The following PXDNL variants were observed in gnomAD, a reference collection of about 807,000 sequenced individuals.
PXDNL encodes peroxidasin like, also known as probable oxidoreductase PXDNL.
In PXDNL, 145 loss-of-function variants were observed where a neutral mutation model predicts 150.8. The observed-to-expected ratio is 0.96, with a 90% CI of 0.84 to 1.10. The LOEUF is 1.10. Among genes scored for constraint, PXDNL ranks in the 50% least tolerant of loss-of-function variants. The pLI is 0.00. For synonymous variants in PXDNL, 757 were observed against 725.7 expected (o/e 1.04, Z -0.69); for missense variants, 2,087 against 1,873.9 (o/e 1.11, Z -2.10).
chr8:51,321,400 A>G (rs1371335629), intron 21 of PXDNL, among the ~76,000 whole-genome samples: 1 of 152,210 alleles, frequency 6.6e-6, no homozygotes, highest in Non-Finnish European at 1.5e-5. Context: ...CCTTTAGATA[A>G]TAACGGTCTT....
intron 1 of PXDNL, among the ~76,000 whole-genome samples, chr8:51,770,643 C>T (rs2037283556): frequency 1.3e-5 from 2 of 152,142 alleles, no homozygotes; most frequent in South Asian, 2.1e-4. Context: ...ATGTCAACTA[C>T]TCATCTAATT....
chr8:51,468,580 T>C (rs1810254609), intron 8 of PXDNL, among the ~76,000 whole-genome samples: 1 of 151,950 alleles, frequency 6.6e-6, no homozygotes, highest in South Asian at 2.1e-4. Context: ...TTCACGAATG[T>C]ATTTAAATTT....
chr8:51,323,776 C>T (rs1293739609), intron 21 of PXDNL, among the ~76,000 whole-genome samples: 2 of 151,382 alleles, frequency 1.3e-5, no homozygotes, highest in South Asian at 2.1e-4. Flanking sequence ...ATTAGCCGGG[C>T]GTAGTGGTGG....
chr8:51,491,805 C>A (rs913093152), intron 5 of PXDNL, among the ~76,000 whole-genome samples: 11 of 152,218 alleles, frequency 7.2e-5, no homozygotes, highest in African/African-American at 2.4e-4. Flanking sequence ...AAGAAATTTC[C>A]CCCAAATTAA....
At chr8:51,747,060 T>A (rs2036991458) in intron 1 of PXDNL, among the ~76,000 whole-genome samples, 1 of 152,226 alleles carries the variant, frequency 6.6e-6, no homozygotes, top group African/African-American at 2.4e-5. Flanking sequence ...CTATCAAAAA[T>A]TTTTAAGAAA....
chr8:51,429,523 G>A (rs1001778247), intron 12 of PXDNL, among the ~76,000 whole-genome samples: 1 of 152,030 alleles, frequency 6.6e-6, no homozygotes, highest in Non-Finnish European at 1.5e-5. Context: ...GGAGGTTGCG[G>A]TGAGCCACTG....
At chr8:51,794,112 T>C (rs945886438) in intron 1 of PXDNL, among the ~76,000 whole-genome samples, 2 of 150,928 alleles carry the variant, frequency 1.3e-5, no homozygotes, top group Non-Finnish European at 3.0e-5. Context: ...GCAGACAAGA[T>C]TAGAGAGAAA....
At chr8:51,788,660 C>A (rs1017486084) in intron 1 of PXDNL, among the ~76,000 whole-genome samples, 2 of 152,160 alleles carry the variant, frequency 1.3e-5, no homozygotes, top group Non-Finnish European at 2.9e-5. Context: ...GGGAGTTAGT[C>A]GAACCAGTGG....
chr8:51,729,411 A>G (rs1047741122), intron 1 of PXDNL, among the ~76,000 whole-genome samples: 6 of 151,978 alleles, frequency 3.9e-5, no homozygotes, highest in African/African-American at 1.2e-4. Flanking sequence ...GCTTAATATC[A>G]TAGTCATTAG....
chr8:51,780,282 T>A (rs1165830532), intron 1 of PXDNL, among the ~76,000 whole-genome samples: 2 of 152,102 alleles, frequency 1.3e-5, no homozygotes, highest in Non-Finnish European at 1.5e-5. Context: ...TATAACCCAG[T>A]GATTTGCATG....
At chr8:51,377,950 T>G (rs1165154248) in intron 17 of PXDNL, among the ~76,000 whole-genome samples, 2 of 152,228 alleles carry the variant, frequency 1.3e-5, no homozygotes, top group South Asian at 2.1e-4. Context: ...TGCAGCCCCG[T>G]GCGGTATCCA....
intron 1 of PXDNL, among the ~76,000 whole-genome samples, chr8:51,720,930 C>T (rs78841389): frequency 0.037 from 5,695 of 152,288 alleles, 342 homozygotes; most frequent in African/African-American, 0.12. Flanking sequence ...CACAGACGCT[C>T]GATCGCATGC....
intron 19 of PXDNL, among the ~76,000 whole-genome samples, chr8:51,355,047 T>G (rs1054531828): frequency 3.9e-5 from 6 of 152,172 alleles, no homozygotes; most frequent in African/African-American, 1.4e-4. Flanking sequence ...GAGTGGGAGA[T>G]GTCCTTATGG....
At chr8:51,514,181 G>A (rs1236047225) in intron 4 of PXDNL, among the ~76,000 whole-genome samples, 2 of 152,308 alleles carry the variant, frequency 1.3e-5, no homozygotes, top group South Asian at 2.1e-4. Flanking sequence ...ATCTCAGCTG[G>A]AGCCATGAGA....
At chr8:51,764,711 G>A (rs1383347253) in intron 1 of PXDNL, among the ~76,000 whole-genome samples, 1 of 152,028 alleles carries the variant, frequency 6.6e-6, no homozygotes, top group Non-Finnish European at 1.5e-5. Flanking sequence ...AGTGAGGCTT[G>A]TTATATGGGC....
At chr8:51,734,377 G>C (rs1816992204) in intron 1 of PXDNL, among the ~76,000 whole-genome samples, 1 of 152,162 alleles carries the variant, frequency 6.6e-6, no homozygotes, top group Admixed American at 6.5e-5. Context: ...ATACGGTTTA[G>C]ATAAATTGGT....
intron 21 of PXDNL, among the ~76,000 whole-genome samples, chr8:51,333,408 A>C (rs1805744975): frequency 8.8e-6 from 1 of 113,110 alleles, no homozygotes; most frequent in South Asian, 2.4e-4. Flanking sequence ...CACAGGACCA[A>C]TAAAACAAAA....
chr8:51,718,523 C>T (rs1047155823), intron 1 of PXDNL, among the ~76,000 whole-genome samples: 1 of 152,202 alleles, frequency 6.6e-6, no homozygotes, highest in Non-Finnish European at 1.5e-5. Flanking sequence ...AAATACCAAC[C>T]GTGGCTCGAA....
chr8:51,360,327 A>G (rs1257235233), intron 19 of PXDNL, among the ~76,000 whole-genome samples: 1 of 152,196 alleles, frequency 6.6e-6, no homozygotes, highest in Non-Finnish European at 1.5e-5. Context: ...ATGTACACAC[A>G]TCTGCATATA....
Sources: gnomAD v4.1 joint callset for allele counts (sites outside exome capture counted in the v4.1 genomes callset) on GRCh38, gnomAD v4.1.1 for gene constraint, MANE v1.5 for transcripts, NCBI Gene and HGNC (gene_info 2026-07-23, HGNC 2026-07-21) for gene names.